PPP2R2A: variants seen among roughly 807,000 people sequenced by gnomAD.
The protein encoded by PPP2R2A is protein phosphatase 2 regulatory subunit Balpha.
A neutral mutation model predicts 53.2 loss-of-function variants in PPP2R2A; 9 were observed. That is an observed-to-expected ratio of 0.17 (90% CI 0.10 to 0.30). The LOEUF (loss-of-function observed/expected upper bound fraction) is 0.30. PPP2R2A is among the 10% of genes least tolerant of loss of function. PPP2R2A has a pLI of 1.00. For missense variants in PPP2R2A, 235 were observed against 534.6 expected, an observed-to-expected ratio of 0.44 and a Z score of 5.53; for synonymous variants, 169 against 174.2, an observed-to-expected ratio of 0.97 and a Z score of 0.23.
At chr8:26,295,588 T>C (rs576540020) in intron 2 of PPP2R2A, among the ~76,000 whole-genome samples, 4 of 152,230 alleles carry the variant, frequency 2.6e-5, no homozygotes, top group Non-Finnish European at 5.9e-5. Flanking sequence ...TGATACTTAG[T>C]AGCTGCATTT....
intron 4 of PPP2R2A, chr8:26,358,863 C>A (rs1470052315): frequency 2.2e-6 from 1 of 453,404 alleles, no homozygotes; most frequent in Non-Finnish European, 4.4e-6. Flanking sequence ...GACGTGGATA[C>A]ATACTCTTCC....
At chr8:26,347,656 T>A (rs1463560802) in intron 3 of PPP2R2A, among the ~76,000 whole-genome samples, 1 of 152,154 alleles carries the variant, frequency 6.6e-6, no homozygotes, top group Non-Finnish European at 1.5e-5. Flanking sequence ...ATAATGCTAC[T>A]TGATTTGACT....
chr8:26,305,182 C>T (rs1295449365), intron 2 of PPP2R2A, among the ~76,000 whole-genome samples: 1 of 152,162 alleles, frequency 6.6e-6, no homozygotes, highest in Non-Finnish European at 1.5e-5. Context: ...CTTTTTGTGA[C>T]TGGCTTATTT....
intron 3 of PPP2R2A, among the ~76,000 whole-genome samples, chr8:26,353,495 T>G (rs563893248): frequency 2.0e-4 from 30 of 152,338 alleles, no homozygotes; most frequent in African/African-American, 7.0e-4. Context: ...GTAACTCACT[T>G]TTACTTAAAA....
At chr8:26,335,548 A>G (rs1241787287) in intron 2 of PPP2R2A, among the ~76,000 whole-genome samples, 1 of 152,178 alleles carries the variant, frequency 6.6e-6, no homozygotes, top group African/African-American at 2.4e-5. Flanking sequence ...AAATTACTCT[A>G]CACTATTCAG....
In PPP2R2A at chr8:26,330,748, G is replaced by C. The variant is rs188752912; in HGVS notation, c.83-8142G>C. Among the ~76,000 whole-genome samples the C allele has an allele frequency of 3.5e-4, 53 of 152,132 alleles. No homozygotes were observed. In the East Asian group the frequency reaches 8.9e-3, roughly 26 times the overall value. ...TACACTGGTTTTTCTTCTGATTATG[G>C]GTTGTATTTTCCTGCCTGTTTATAT... On this transcript the variant is annotated intron_variant, in intron 2 of 9. Coordinates refer to ENST00000380737, the MANE Select transcript of PPP2R2A (RefSeq NM_002717.4).
Position 26,338,085 on chromosome 8 carries a change from C to T in PPP2R2A, c.83-805C>T, listed in dbSNP as rs1015704984. ...CATGATAGGGGCTTTTCTAATTCAG[C>T]TTAATGCTTTATAGTGAAGAACTTC... On this transcript the variant is annotated intron_variant, in intron 2 of 9. Transcript: ENST00000380737. This position sits in a 1 kb window ranked among gnomAD's most constrained non-coding sequence, Gnocchi z 4.5. Among the ~76,000 whole-genome samples the T allele has an allele frequency of 9.2e-5, 14 of 152,136 alleles. No homozygotes were observed. Among genetic ancestry groups the T allele is most frequent in the Non-Finnish European group, 1.5e-5 (1 of 68,026 alleles).
intron 3 of PPP2R2A, among the ~76,000 whole-genome samples, chr8:26,343,165 C>T (rs1024485616): frequency 5.9e-5 from 9 of 151,914 alleles, no homozygotes; most frequent in Non-Finnish European, 8.8e-5. Flanking sequence ...CAGAGTGAGA[C>T]TGTCTCAAAA....
chr8:26,308,020 G>A (rs1802101162), intron 2 of PPP2R2A, among the ~76,000 whole-genome samples: 1 of 152,210 alleles, frequency 6.6e-6, no homozygotes, highest in Non-Finnish European at 1.5e-5. Flanking sequence ...AATAAGGTGA[G>A]TCACAAATTT....
intron 3 of PPP2R2A, among the ~76,000 whole-genome samples, chr8:26,339,609 A>C (rs889749035): frequency 6.6e-6 from 1 of 152,104 alleles, no homozygotes; most frequent in Non-Finnish European, 1.5e-5. Flanking sequence ...AATTTAATTG[A>C]CCAGATTTCT....
intron 2 of PPP2R2A, among the ~76,000 whole-genome samples, chr8:26,305,872 A>T (rs1463538275): frequency 6.6e-6 from 1 of 152,182 alleles, no homozygotes; most frequent in Non-Finnish European, 1.5e-5. Context: ...GTTAAATTTT[A>T]AAAAATCCCA....
Position 26,360,443 on chromosome 8 carries a change from C to T in PPP2R2A, c.459+162C>T, listed in dbSNP as rs1805021025. ...TGAGTAACTCATTTAAACATAGAAA[C>T]TGACCTACATAGAGGTCTCACTTTG... On this transcript the variant is annotated intron_variant, in intron 5 of 9. Transcript: ENST00000380737. This position sits in a 1 kb window ranked among gnomAD's most constrained non-coding sequence, Gnocchi z 4.5. Among the ~76,000 whole-genome samples, 1 of 152,168 alleles carries T rather than the reference C, an allele frequency of 6.6e-6. No individual in the cohort carries two copies. The highest frequency in any genetic ancestry group is 6.5e-5 in the Admixed American group (1 of 15,284).
At chr8:26,301,078 T>G (rs924045404) in intron 2 of PPP2R2A, among the ~76,000 whole-genome samples, 53 of 152,188 alleles carry the variant, frequency 3.5e-4, no homozygotes, top group Non-Finnish European at 6.0e-4. Context: ...GTTAATTAAC[T>G]GTATAATCTT....
chr8:26,334,597 T>A (rs1803556239), intron 2 of PPP2R2A, among the ~76,000 whole-genome samples: 1 of 151,940 alleles, frequency 6.6e-6, no homozygotes, highest in Admixed American at 6.6e-5. Flanking sequence ...TACAAAAAAT[T>A]AGCCGGTGGT....
chr8:26,306,642 T>C lies in PPP2R2A; in HGVS notation c.82+12902T>C, dbSNP rs112909907. ...GTACGTCTGTTTTACAAACCAAATA[T>C]AGGTAAAGATTTTTATGTTTTAGTA... On this transcript the variant is annotated intron_variant, in intron 2 of 9. Transcript: ENST00000380737. Among the ~76,000 whole-genome samples the C allele has an allele frequency of 4.7e-3, 716 of 152,078 alleles. 7 individuals carry two copies. The highest frequency in any genetic ancestry group is 0.017 in the African/African-American group (692 of 41,462).
chr8:26,315,222 T>A (rs189550248), intron 2 of PPP2R2A, among the ~76,000 whole-genome samples: 23 of 152,266 alleles, frequency 1.5e-4, no homozygotes, highest in African/African-American at 5.5e-4. Context: ...AATGAGGTAG[T>A]AAGAGTAAAT....
At position 26,354,082 on chromosome 8, in the gene PPP2R2A, C is replaced by T. The variant is rs748632373; in HGVS notation, c.181-386C>T. Among the ~76,000 whole-genome samples, 3 of 152,094 alleles carry T rather than the reference C, an allele frequency of 2.0e-5. No individual in the cohort carries two copies. The highest frequency in any genetic ancestry group is 2.9e-5 in the Non-Finnish European group (2 of 68,030). On this transcript the variant is annotated intron_variant, in intron 3 of 9. Coordinates refer to ENST00000380737, the MANE Select transcript of PPP2R2A (RefSeq NM_002717.4). This position sits in a 1 kb window ranked among gnomAD's most constrained non-coding sequence, Gnocchi z 4.6. ...GGCATAGGAAGAAGGTGTGCCTCAC[C>T]TAGCTCTTTCTGGGCAAGACTTTAT...
chr8:26,318,987 A>C (rs1368230272), intron 2 of PPP2R2A, among the ~76,000 whole-genome samples: 1 of 152,000 alleles, frequency 6.6e-6, no homozygotes, highest in Non-Finnish European at 1.5e-5. Flanking sequence ...CCCAAACTAA[A>C]ACTTTATACC....
At position 26,348,302 on chromosome 8, in the gene PPP2R2A, A is replaced by G. The variant is rs530915528; in HGVS notation, c.181-6166A>G. 1.2e-4 allele frequency among the ~76,000 whole-genome samples: 19 copies of G among 152,318 alleles called. No individual in the cohort carries two copies. In the East Asian group the frequency reaches 3.7e-3, roughly 29 times the overall value. ...ATTTTTGCAGAGTTTCATTTAAGGA[A>G]GGAGAAAGTTAGTACAGGTTGAGCA... On this transcript the variant is annotated intron_variant, in intron 3 of 9. Coordinates refer to ENST00000380737, the MANE Select transcript of PPP2R2A (RefSeq NM_002717.4).
Sources: allele counts gnomAD v4.1 joint callset (sites outside exome capture counted in the v4.1 genomes callset), GRCh38; gene constraint gnomAD v4.1.1; non-coding constraint Gnocchi (gnomAD v3.1); transcripts MANE v1.5; gene names NCBI Gene and HGNC (gene_info 2026-07-23, HGNC 2026-07-21).